Variants in AKAP13 observed in about 807,000 individuals in gnomAD.
AKAP13 encodes the protein A-kinase anchor protein 13.
In AKAP13, 80 loss-of-function variants were observed where a neutral mutation model predicts 264.5. That is an observed-to-expected ratio of 0.30 (90% CI 0.25 to 0.36). The LOEUF (loss-of-function observed/expected upper bound fraction) is 0.36, where lower values mean the gene tolerates loss of function less well. AKAP13 is among the 10% of genes least tolerant of loss of function. The pLI is 1.00. For synonymous variants in AKAP13, 1,380 were observed against 1,250.2 expected (o/e 1.10, Z -2.19); for missense variants, 3,712 against 3,435.2 (o/e 1.08, Z -2.01).
intron 19 of AKAP13, among the ~76,000 whole-genome samples, chr15:85,715,481 T>C (rs1320015849): frequency 6.6e-6 from 1 of 152,142 alleles, no homozygotes. Context: ...TATAGGCATT[T>C]ACAATTTCAA....
At chr15:85,642,950 G>T (rs1891946610) in intron 9 of AKAP13, among the ~76,000 whole-genome samples, 1 of 150,854 alleles carries the variant, frequency 6.6e-6, no homozygotes, top group Non-Finnish European at 1.5e-5. Flanking sequence ...ATTTTTTCAA[G>T]CAGGGAAAGG....
chr15:85,740,361 A>C, intron 34 of AKAP13, 89 bp downstream of exon 34: 1 of 1,494,324 alleles, frequency 6.7e-7, no homozygotes, highest in South Asian at 1.1e-5. Context: ...TGAGGTTTGC[A>C]GGATGTTTAA....
At chr15:85,383,956 G>A (rs552555403) in intron 1 of AKAP13, among the ~76,000 whole-genome samples, 21 of 152,288 alleles carry the variant, frequency 1.4e-4, no homozygotes, top group African/African-American at 4.8e-4. Flanking sequence ...ACACTTTAAA[G>A]GTGACACCAT....
At chr15:85,386,790 A>T (rs2070587143) in intron 1 of AKAP13, among the ~76,000 whole-genome samples, 1 of 151,548 alleles carries the variant, frequency 6.6e-6, no homozygotes. Context: ...GTTGATCATA[A>T]ATGTGTGGTT....
chr15:85,708,547 A>G lies in AKAP13; in HGVS notation c.5532+461A>G, dbSNP rs191711530. Among the ~76,000 whole-genome samples, 2 of 152,160 alleles carry G rather than the reference A, an allele frequency of 1.3e-5. No individual in the cohort carries two copies. Among genetic ancestry groups the G allele is most frequent in the African/African-American group, 2.4e-5 (1 of 41,526 alleles). On this transcript the variant is annotated intron_variant, in intron 18 of 36. Transcript: ENST00000394518. The surrounding 1 kb of genome is among the most constrained non-coding windows in gnomAD (Gnocchi z 4.3). ...TCTGGTAGCACTTTTCTCCTCAGGTATGTAATATAGGTGGCTCTGATCACA... is the reference window on the plus strand; with the variant it reads ...TCTGGTAGCACTTTTCTCCTCAGGTGTGTAATATAGGTGGCTCTGATCACA...
At position 85,585,617 on chromosome 15, in the gene AKAP13, A is replaced by G. The variant is rs1487484199; in HGVS notation, c.4040-85A>G. ...TTAACGCAAAAGCAAAACAAAACAC[A>G]TGAAACCTGGAGCATGTTGTATGAA... is the stretch of plus-strand genomic sequence containing the variant. On this transcript the variant is annotated intron_variant, in intron 7 of 36. Transcript: ENST00000394518. The G allele has an allele frequency of 1.3e-5, 20 of 1,573,898 alleles. No homozygotes were observed. In the East Asian group the frequency reaches 1.4e-4, roughly 11 times the overall value.
At chr15:85,412,615 T>A (rs1182416340) in intron 1 of AKAP13, among the ~76,000 whole-genome samples, 1 of 152,226 alleles carries the variant, frequency 6.6e-6, no homozygotes, top group Non-Finnish European at 1.5e-5. Context: ...CCAATAAATA[T>A]AACCCACATA....
chr15:85,714,250 T>C (rs1199760632), intron 19 of AKAP13, among the ~76,000 whole-genome samples: 1 of 152,186 alleles, frequency 6.6e-6, no homozygotes, highest in Non-Finnish European at 1.5e-5. Flanking sequence ...TGGAAGTAGA[T>C]CATCATAAAG....
chr15:85,495,222 T>G (rs2075837693), intron 2 of AKAP13, among the ~76,000 whole-genome samples: 1 of 152,196 alleles, frequency 6.6e-6, no homozygotes, highest in African/African-American at 2.4e-5. Flanking sequence ...CTTTCTCTTG[T>G]AAAGCTCAGT....
At position 85,736,254 on chromosome 15, in the gene AKAP13, A is replaced by G. The variant is rs78157405; in HGVS notation, c.7557+120A>G. 482 of 761,296 alleles carry G rather than the reference A, an allele frequency of 6.3e-4. 4 individuals are homozygous for G. In the East Asian group the frequency reaches 7.6e-3, roughly 12 times the overall value. The allele number at this position is 761,296 out of a possible 1,614,324, so 47.2% of individuals were successfully genotyped here. A position where few individuals can be genotyped will look rare whatever the true frequency, so the allele number is the denominator to read the frequency against. ...GTTACAAAGAGGCTAACTGCTGGCT[A>G]TCATCTGTATGTGTAAACAATACAG... On this transcript the variant is annotated intron_variant, in intron 33 of 36. Transcript: ENST00000394518.
chr15:85,651,840 T>G (rs144552643), intron 10 of AKAP13, among the ~76,000 whole-genome samples: 1 of 152,228 alleles, frequency 6.6e-6, no homozygotes, highest in Non-Finnish European at 1.5e-5. Flanking sequence ...CTAAATAATA[T>G]CATTTCTCTT....
chr15:85,612,268 A>G (rs149432019), intron 8 of AKAP13, among the ~76,000 whole-genome samples: 25 of 152,358 alleles, frequency 1.6e-4, no homozygotes, highest in African/African-American at 6.0e-4. Context: ...AAATTTGACA[A>G]TACATGAAAC....
At chr15:85,537,273 T>C (rs1463825816) in intron 4 of AKAP13, among the ~76,000 whole-genome samples, 3 of 152,346 alleles carry the variant, frequency 2.0e-5, no homozygotes, top group East Asian at 3.9e-4. Context: ...ATAAATACTT[T>C]TAAATAGGTA....
intron 8 of AKAP13, among the ~76,000 whole-genome samples, chr15:85,618,554 A>G (rs1382769287): frequency 6.6e-6 from 1 of 151,928 alleles, no homozygotes; most frequent in Non-Finnish European, 1.5e-5. Context: ...TTCATGATCC[A>G]AGTAAGAGAA....
At chr15:85,495,527 T>A (rs1366774473) in intron 2 of AKAP13, among the ~76,000 whole-genome samples, 1 of 152,230 alleles carries the variant, frequency 6.6e-6, no homozygotes, top group Non-Finnish European at 1.5e-5. Context: ...ATTGAACACA[T>A]CTCTGTGTCT....
chr15:85,733,626 T>C (rs1392471668), intron 30 of AKAP13, among the ~76,000 whole-genome samples: 1 of 152,146 alleles, frequency 6.6e-6, no homozygotes, highest in Non-Finnish European at 1.5e-5. Flanking sequence ...ATCTTCAGTG[T>C]TGGTCACTTT....
intron 3 of AKAP13, among the ~76,000 whole-genome samples, chr15:85,533,220 C>G (rs1028200700): frequency 3.3e-5 from 5 of 152,142 alleles, no homozygotes; most frequent in African/African-American, 1.2e-4. Flanking sequence ...ATTGGACTTT[C>G]CATCATATGC....
Position 85,629,928 on chromosome 15 carries a change from C to T in AKAP13, c.4162-9446C>T, listed in dbSNP as rs764880160. On this transcript the variant is annotated intron_variant, in intron 8 of 36. Coordinates refer to ENST00000394518, the MANE Select transcript of AKAP13 (RefSeq NM_007200.5). Reference sequence around the variant, plus strand: ...CTGAGTAGCTGGGATTACAGGCGCCCACAACCATGTCCAGCTAATTTTTGT... The same window carrying T: ...CTGAGTAGCTGGGATTACAGGCGCCTACAACCATGTCCAGCTAATTTTTGT... Among the ~76,000 whole-genome samples the T allele has an allele frequency of 4.2e-4, 64 of 151,540 alleles. 1 individual carries two copies. Among genetic ancestry groups the T allele is most frequent in the Non-Finnish European group, 7.2e-4 (49 of 67,890 alleles).
chr15:85,601,005 T>C (rs980485970), intron 8 of AKAP13, among the ~76,000 whole-genome samples: 4 of 152,226 alleles, frequency 2.6e-5, no homozygotes, highest in African/African-American at 9.7e-5. Context: ...TTGACACCTT[T>C]GCTACACTAT....
Sources: gnomAD v4.1 joint callset for allele counts (sites outside exome capture counted in the v4.1 genomes callset) on GRCh38, gnomAD v4.1.1 for gene constraint, Gnocchi (gnomAD v3.1) non-coding constraint, MANE v1.5 for transcripts, NCBI Gene and HGNC (gene_info 2026-07-23, HGNC 2026-07-21) for gene names.